The following MRPS31 variants were observed in gnomAD, a reference collection of about 807,000 sequenced individuals.
The protein encoded by MRPS31 is mitochondrial ribosomal protein S31, also known as small ribosomal subunit protein mS31.
Under a neutral mutation model 43.1 loss-of-function variants are expected in MRPS31, and 32 were observed. The ratio of observed to expected loss-of-function variants is 0.74; its 90% CI spans 0.56 to 1.00. MRPS31 has a LOEUF of 1.00. Among genes scored for constraint, MRPS31 ranks in the 50% least tolerant of loss-of-function variants. The pLI, the probability that MRPS31 is intolerant of heterozygous loss-of-function variation, is 0.00. For missense variants in MRPS31, 437 were observed against 466.7 expected, an observed-to-expected ratio of 0.94 and a Z score of 0.59; for synonymous variants, 165 against 161.6, an observed-to-expected ratio of 1.02 and a Z score of -0.16.
At chr13:40,739,710 C>T (rs9566576) in intron 6 of MRPS31, among the ~76,000 whole-genome samples, 63,873 of 149,070 alleles carry the variant, frequency 0.43, 15,864 homozygotes, top group East Asian at 0.77. Flanking sequence ...ATTTAATAAA[C>T]GGTGCTGGGA....
At chr13:40,731,246 C>G (rs1367704945) in intron 6 of MRPS31, 1 of 143,858 alleles carries the variant, frequency 7.0e-6, no homozygotes, top group Non-Finnish European at 1.4e-5. Flanking sequence ...GAGTGAGACC[C>G]TGTCTCAAAA....
intron 1 of MRPS31, among the ~76,000 whole-genome samples, chr13:40,769,373 CATAT>C (rs201190639): frequency 0.022 from 1,434 of 65,084 alleles, 22 homozygotes; most frequent in Non-Finnish European, 0.028. Context: ...AGACTCTGTC[CATAT>C]ATATATATAT....
chr13:40,760,094 G>A (rs562887377), intron 2 of MRPS31, among the ~76,000 whole-genome samples: 12 of 143,198 alleles, frequency 8.4e-5, no homozygotes, highest in East Asian at 2.1e-4. Context: ...CCAGGATTGC[G>A]CCACTGCACT....
At chr13:40,733,864 G>A (rs1879785896) in intron 6 of MRPS31, among the ~76,000 whole-genome samples, 1 of 151,484 alleles carries the variant, frequency 6.6e-6, no homozygotes, top group African/African-American at 2.4e-5. Context: ...GGAGGCCGAG[G>A]TGGGAAATAA....
intron 2 of MRPS31, among the ~76,000 whole-genome samples, chr13:40,759,761 T>C (rs1209375492): frequency 2.0e-5 from 3 of 152,182 alleles, no homozygotes; most frequent in African/African-American, 7.2e-5. Context: ...TTAGATGTTA[T>C]TGTATTTCAG....
At chr13:40,741,852 G>A (rs1205282766) in intron 6 of MRPS31, among the ~76,000 whole-genome samples, 1 of 145,242 alleles carries the variant, frequency 6.9e-6, no homozygotes, top group Non-Finnish European at 1.5e-5. Context: ...GTACTGACAA[G>A]GAAATGCTTT....
At chr13:40,731,968 T>G (rs886902017) in intron 6 of MRPS31, among the ~76,000 whole-genome samples, 1 of 150,460 alleles carries the variant, frequency 6.6e-6, no homozygotes, top group Non-Finnish European at 1.5e-5. Context: ...GCACATATAA[T>G]GCAAAGGAAA....
intron 6 of MRPS31, chr13:40,731,339 G>C (rs559767148): frequency 6.5e-6 from 1 of 153,184 alleles, no homozygotes; most frequent in African/African-American, 2.4e-5. Flanking sequence ...TGGGAGGCTG[G>C]GGGTGGCAGG....
At chr13:40,770,935 G>T (rs778483398) in intron 1 of MRPS31, 50 bp downstream of exon 1, 1 of 1,612,166 alleles carries the variant, frequency 6.2e-7, no homozygotes, top group Non-Finnish European at 8.5e-7. Context: ...ATCGACCCCA[G>T]GAAGTCGGAG....
intron 4 of MRPS31, among the ~76,000 whole-genome samples, 158 bp downstream of exon 4, chr13:40,756,715 G>A (rs1174607428): frequency 6.6e-6 from 1 of 152,128 alleles, no homozygotes; most frequent in Non-Finnish European, 1.5e-5. Flanking sequence ...TCCCTCTCTA[G>A]GAAGTGGTAT....
At chr13:40,729,709 T>G in intron 6 of MRPS31, 108 bp from the exon 7 acceptor site, 1 of 776,376 alleles carries the variant, frequency 1.3e-6, no homozygotes, top group Non-Finnish European at 2.0e-6. Context: ...GGCATGAACT[T>G]TGGAGTTAGA....
At chr13:40,764,957 T>C (rs1179033868) in intron 2 of MRPS31, among the ~76,000 whole-genome samples, 1 of 152,214 alleles carries the variant, frequency 6.6e-6, no homozygotes, top group Non-Finnish European at 1.5e-5. Flanking sequence ...GAAGGTTCAA[T>C]ATTTAATACA....
chr13:40,754,874 C>A (rs1215587753), intron 4 of MRPS31, among the ~76,000 whole-genome samples: 1 of 152,060 alleles, frequency 6.6e-6, no homozygotes, highest in African/African-American at 2.4e-5. Flanking sequence ...ACTAAAAACA[C>A]ACAAAAAAAA....
At chr13:40,739,266 C>G (rs1365425885) in intron 6 of MRPS31, among the ~76,000 whole-genome samples, 5 of 152,122 alleles carry the variant, frequency 3.3e-5, no homozygotes, top group Admixed American at 3.3e-4. Flanking sequence ...GAACTACAAA[C>G]CACTGCTCAA....
At chr13:40,734,892 T>A (rs1043061672) in intron 6 of MRPS31, among the ~76,000 whole-genome samples, 7 of 152,024 alleles carry the variant, frequency 4.6e-5, no homozygotes, top group Non-Finnish European at 1.0e-4. Context: ...TGAGACCCTG[T>A]CTCAAAAAAC....
intron 6 of MRPS31, among the ~76,000 whole-genome samples, chr13:40,739,023 G>A (rs1880004339): frequency 6.6e-6 from 1 of 152,158 alleles, no homozygotes; most frequent in African/African-American, 2.4e-5. Flanking sequence ...TGACATGATT[G>A]TATATCTAGA....
rs1370838875 is a variant in MRPS31 at position 40,771,180 on chromosome 13, G to C, written c.-44C>G. ...ACCAAGAACACAACTGAAATGGTGC[G>C]TCCCGCTGCCAAACACGTCCCCGCC... is the stretch of plus-strand genomic sequence containing the variant. On this transcript the variant is annotated 5_prime_UTR_variant, in exon 1 of 7. Coordinates refer to ENST00000323563, the MANE Select transcript of MRPS31 (RefSeq NM_005830.4). 3.2e-6 allele frequency: 5 copies of C among 1,542,366 alleles called. No homozygotes were observed. Among genetic ancestry groups the C allele is most frequent in the South Asian group, 1.2e-5 (1 of 81,810 alleles).
At chr13:40,754,476 A>C (rs944196647) in intron 4 of MRPS31, among the ~76,000 whole-genome samples, 1 of 152,246 alleles carries the variant, frequency 6.6e-6, no homozygotes, top group African/African-American at 2.4e-5. Context: ...GGCAGAAAAC[A>C]CTGCAATGTT....
intron 6 of MRPS31, among the ~76,000 whole-genome samples, chr13:40,744,002 A>C (rs140654309): frequency 2.0e-5 from 3 of 152,212 alleles, no homozygotes; most frequent in Admixed American, 6.5e-5. Context: ...CATACACACC[A>C]TGGGATACTA....
Sources: allele counts gnomAD v4.1 joint callset (sites outside exome capture counted in the v4.1 genomes callset), GRCh38; gene constraint gnomAD v4.1.1; transcripts MANE v1.5; gene names NCBI Gene and HGNC (gene_info 2026-07-23, HGNC 2026-07-21).